TACR1: variants seen among roughly 807,000 people sequenced by gnomAD.
TACR1 encodes the protein substance-P receptor.
Under a neutral mutation model 35.8 loss-of-function variants are expected in TACR1, and 25 were observed. That is an observed-to-expected ratio of 0.70 (90% CI 0.51 to 0.98). The LOEUF is 0.98. Among genes scored for constraint, TACR1 ranks in the 50% least tolerant of loss-of-function variants. The pLI, the probability that TACR1 is intolerant of heterozygous loss-of-function variation, is 0.00. For missense variants in TACR1, 478 were observed against 522.9 expected (o/e 0.91, Z 0.84); for synonymous variants, 195 against 206.7 (o/e 0.94, Z 0.48).
chr2:75,085,767 CT>C (rs1341128046), intron 2 of TACR1, among the ~76,000 whole-genome samples: 1 of 152,136 alleles, frequency 6.6e-6, no homozygotes, highest in Non-Finnish European at 1.5e-5. Flanking sequence ...CTACTCTTCC[CT>C]GGGGTTAAAT....
rs1553380917 is a variant in TACR1 at position 75,154,404 on chromosome 2, G to GCACT, written c.390-33637_390-33636insAGTG. The GCACT allele has an allele frequency of 4.6e-4, 39 of 84,474 alleles. 1 individual carries two copies. The South Asian group carries it at 6.2e-3, about 13-fold the overall frequency. 5.2% of individuals were successfully genotyped at this position (84,474 alleles called of 1,614,324 possible). On this transcript the variant is annotated intron_variant, in intron 1 of 4. Coordinates refer to ENST00000305249, the MANE Select transcript of TACR1 (RefSeq NM_001058.4). Reference sequence around the variant, plus strand: ...CCCAGGGAGATAATCAGCCAAGAGCGCGCACGCACACACACACACACACAC... The same window carrying GCACT: ...CCCAGGGAGATAATCAGCCAAGAGCGCACTCGCACGCACACACACACACACACAC...
At chr2:75,085,508 G>A (rs1471681614) in intron 2 of TACR1, among the ~76,000 whole-genome samples, 4 of 152,192 alleles carry the variant, frequency 2.6e-5, no homozygotes, top group Non-Finnish European at 5.9e-5. Context: ...AAAGATTGTT[G>A]CATGTTTATT....
chr2:75,154,028 C>T (rs948837167), intron 1 of TACR1, among the ~76,000 whole-genome samples: 4 of 152,054 alleles, frequency 2.6e-5, no homozygotes, highest in African/African-American at 9.7e-5. Flanking sequence ...CAGTAAAGGC[C>T]CAGCTTGCTG....
At chr2:75,168,988 T>C (rs563331619) in intron 1 of TACR1, among the ~76,000 whole-genome samples, 3 of 152,356 alleles carry the variant, frequency 2.0e-5, no homozygotes, top group Admixed American at 2.0e-4. Context: ...AAATACACTT[T>C]AATCTACATT....
At chr2:75,168,216 A>G (rs1181112543) in intron 1 of TACR1, among the ~76,000 whole-genome samples, 1 of 152,230 alleles carries the variant, frequency 6.6e-6, no homozygotes, top group East Asian at 1.9e-4. Context: ...TGACCATATA[A>G]TAATGGGATA....
At chr2:75,170,093 A>G (rs561176101) in intron 1 of TACR1, among the ~76,000 whole-genome samples, 1 of 152,168 alleles carries the variant, frequency 6.6e-6, no homozygotes, top group African/African-American at 2.4e-5. Context: ...AGAGAACCTA[A>G]TGCAGTGATA....
chr2:75,181,735 T>C (rs548420753), intron 1 of TACR1, among the ~76,000 whole-genome samples: 4 of 152,306 alleles, frequency 2.6e-5, no homozygotes, highest in African/African-American at 9.6e-5. Flanking sequence ...TTTAGTTTTA[T>C]TCATGGATAA....
intron 1 of TACR1, among the ~76,000 whole-genome samples, chr2:75,141,924 C>G (rs556557294): frequency 1.3e-5 from 2 of 152,318 alleles, no homozygotes; most frequent in Non-Finnish European, 2.9e-5. Context: ...TGGCTTCTCT[C>G]AACTGTTCTA....
chr2:75,147,848 G>A (rs564814896), intron 1 of TACR1, among the ~76,000 whole-genome samples: 170 of 151,768 alleles, frequency 1.1e-3, no homozygotes, highest in African/African-American at 3.8e-3. Context: ...AGGTTCAAGC[G>A]ATTCTCCTGC....
At chr2:75,114,985 T>C (rs1351562567) in intron 2 of TACR1, among the ~76,000 whole-genome samples, 1 of 152,100 alleles carries the variant, frequency 6.6e-6, no homozygotes, top group East Asian at 1.9e-4. Flanking sequence ...GGAATATAGC[T>C]AGAAGCAGCT....
intron 2 of TACR1, among the ~76,000 whole-genome samples, chr2:75,116,193 C>G (rs1673854605): frequency 6.6e-6 from 1 of 152,112 alleles, no homozygotes; most frequent in Admixed American, 6.5e-5. Flanking sequence ...CAACCTCTGC[C>G]TCCCAGGCTC....
rs557266302 is a variant in TACR1 at position 75,059,838 on chromosome 2, C to T, written c.585-6083G>A. The stretch of plus-strand genomic sequence containing the variant: ...TTCCTCCTGCTCTTCCTCAAATGTC[C>T]TTCAGGCTTTCTCTCCTTCTCACAG... On this transcript the variant is annotated intron_variant, in intron 2 of 4. Transcript: ENST00000305249. Among the ~76,000 whole-genome samples the T allele has an allele frequency of 1.6e-4, 24 of 152,146 alleles. 1 individual carries two copies. The highest frequency in any genetic ancestry group is 1.6e-3 in the Admixed American group (24 of 15,276).
intron 1 of TACR1, among the ~76,000 whole-genome samples, chr2:75,160,876 T>C (rs1225101697): frequency 6.6e-6 from 1 of 151,074 alleles, no homozygotes; most frequent in African/African-American, 2.4e-5. Context: ...TATTCTGATA[T>C]ATTTTCTTAT....
At chr2:75,175,048 G>A (rs1332777884) in intron 1 of TACR1, among the ~76,000 whole-genome samples, 1 of 152,168 alleles carries the variant, frequency 6.6e-6, no homozygotes, top group African/African-American at 2.4e-5. Context: ...GTAACTAAAG[G>A]CCAATGAAAG....
At chr2:75,113,488 CTAG>C (rs1261269520) in intron 2 of TACR1, among the ~76,000 whole-genome samples, 1 of 149,588 alleles carries the variant, frequency 6.7e-6, no homozygotes, top group Non-Finnish European at 1.5e-5. Context: ...GGCAACCTTC[CTAG>C]TTTCTGCAGT....
At chr2:75,119,680 G>A (rs1280675259) in intron 2 of TACR1, among the ~76,000 whole-genome samples, 2 of 152,160 alleles carry the variant, frequency 1.3e-5, no homozygotes. Flanking sequence ...AGATAAGTAT[G>A]TCTGCCCTGT....
At chr2:75,077,260 G>A (rs56188820) in intron 2 of TACR1, among the ~76,000 whole-genome samples, 20,461 of 152,166 alleles carry the variant, frequency 0.13, 1,938 homozygotes, top group Admixed American at 0.29. Context: ...GTGAGCCACC[G>A]CACCCGGCCT....
At position 75,049,263 on chromosome 2, in the gene TACR1, T is replaced by C. The variant is rs1032043844; in HGVS notation, c.*169A>G. The C allele has an allele frequency of 2.9e-5, 21 of 714,200 alleles. No individual in the cohort carries two copies. The highest frequency in any genetic ancestry group is 3.8e-5 in the Non-Finnish European group (17 of 443,938). 44.2% of individuals were successfully genotyped at this position (714,200 alleles called of 1,614,324 possible). Reference sequence around the variant, plus strand: ...TGAGGGTGGCAAAGATAGGGAAGAATTGAGATTTTTTGACTCAAGGATGGA... The same window carrying C: ...TGAGGGTGGCAAAGATAGGGAAGAACTGAGATTTTTTGACTCAAGGATGGA... On this transcript the variant is annotated 3_prime_UTR_variant, in exon 5 of 5. Transcript: ENST00000305249.
chr2:75,104,697 C>G (rs987460209), intron 2 of TACR1, among the ~76,000 whole-genome samples: 2 of 151,908 alleles, frequency 1.3e-5, no homozygotes, highest in Non-Finnish European at 2.9e-5. Flanking sequence ...TCTTTTTTGA[C>G]CACAGTGATA....
Sources: gnomAD v4.1 joint callset for allele counts (sites outside exome capture counted in the v4.1 genomes callset) on GRCh38, gnomAD v4.1.1 for gene constraint, MANE v1.5 for transcripts, NCBI Gene and HGNC (gene_info 2026-07-23, HGNC 2026-07-21) for gene names.